The following HTR3A variants were observed in gnomAD, a reference collection of about 807,000 sequenced individuals.
HTR3A encodes 5-hydroxytryptamine (serotonin) receptor 3A, ionotropic.
A neutral mutation model predicts 54.8 loss-of-function variants in HTR3A; 45 were observed. The ratio of observed to expected loss-of-function variants is 0.82; its 90% confidence interval spans 0.65 to 1.05. HTR3A has a LOEUF of 1.05. Among genes scored for constraint, HTR3A ranks in the 50% least tolerant of loss-of-function variants. HTR3A has a pLI of 0.00. For synonymous variants in HTR3A, 297 were observed against 256.0 expected (o/e 1.16, Z -1.53); for missense variants, 657 against 614.0 (o/e 1.07, Z -0.74).
In HTR3A at chr11:113,989,421, A is replaced by C. The variant is rs1950525506; in HGVS notation, c.1139-44A>C. 6.2e-7 allele frequency: 1 copy of C among 1,610,398 alleles called. No individual in the cohort carries two copies. Among genetic ancestry groups the C allele is most frequent in the Non-Finnish European group, 8.5e-7 (1 of 1,177,766 alleles). On this transcript the variant is annotated intron_variant, in intron 8 of 8. Transcript: ENST00000504030. The surrounding 1 kb of genome is among the most constrained non-coding windows in gnomAD (Gnocchi z 4.4). ...CATAAGGAACCATGTTCAGGTCACC[A>C]CCCGGGGTCTCCCTCTCTTGCCAAT...
At chr11:113,979,139 G>A (rs1469077774) in intron 2 of HTR3A, 94 bp from the exon 3 acceptor site, 5 of 955,198 alleles carry the variant, frequency 5.2e-6, no homozygotes, top group Non-Finnish European at 8.6e-6. Flanking sequence ...AAAGCAATAG[G>A]GACACAAGGA....
chr11:113,981,445 TG>T (rs775297863), intron 4 of HTR3A, 133 bp downstream of exon 4: 70 of 708,482 alleles, frequency 9.9e-5, no homozygotes, highest in South Asian at 3.0e-4. Flanking sequence ...ATAAAGCTGG[TG>T]TGAGTCCAAA....
chr11:113,978,074 C>A, intron 2 of HTR3A, 152 bp downstream of exon 2: 1 of 948,552 alleles, frequency 1.1e-6, no homozygotes, highest in Non-Finnish European at 1.7e-6. Flanking sequence ...ATTGTAGCAT[C>A]ATCTGCACAG....
chr11:113,984,656 C>T (rs537666830), intron 5 of HTR3A, among the ~76,000 whole-genome samples: 15 of 152,216 alleles, frequency 9.9e-5, no homozygotes, highest in East Asian at 3.9e-4. Context: ...CGGTGGCTCA[C>T]GCCTGTAATC....
In HTR3A at chr11:113,986,592, C is replaced by T; in HGVS notation, c.780C>T (p.Asp260=). The change falls in exon 7 of 9, where the codon GAC becomes GAT. Residue 260 remains aspartate (D), a synonymous_variant. Coordinates refer to ENST00000504030, the MANE Select transcript of HTR3A (RefSeq NM_000869.6). ...CCAGCATCTTCCTCATGGTCATGGA[C>T]ATCGTGGGCTTCTACCTGCCCCCCA... The part of the protein sequence containing the change: ...LLPSIFLMVM[D]IVGFYLPPNS... The T allele has an allele frequency of 1.2e-6, 2 of 1,613,670 alleles. No individual in the cohort carries two copies. Among genetic ancestry groups the T allele is most frequent in the Middle Eastern group, 1.6e-4 (1 of 6,062 alleles).
intron 3 of HTR3A, among the ~76,000 whole-genome samples, chr11:113,980,069 C>T (rs1950403568): frequency 6.6e-6 from 1 of 152,126 alleles, no homozygotes; most frequent in Admixed American, 6.6e-5. Flanking sequence ...AATGCTGATC[C>T]CTGAGATGCT....
chr11:113,987,466 C>T (rs1026938371), intron 8 of HTR3A, among the ~76,000 whole-genome samples: 1 of 152,166 alleles, frequency 6.6e-6, no homozygotes, highest in Non-Finnish European at 1.5e-5. Flanking sequence ...GGCATGGTGG[C>T]TCATGCCTAC....
At position 113,975,397 on chromosome 11, in the gene HTR3A, G is replaced by C. The variant is rs763742283; in HGVS notation, c.67+5G>C. On this transcript the variant is annotated splice_donor_5th_base_variant and intron_variant, in intron 1 of 8. Transcript: ENST00000504030. ...CACTCCTGGCACAGGGAGAAGGTAA[G>C]CAGACTTCGGGAAGCAGCAGGACTT... 1.9e-6 allele frequency: 3 copies of C among 1,610,500 alleles called. No homozygotes were observed. In the Admixed American group the frequency reaches 5.0e-5, roughly 27 times the overall value.
At position 113,979,292 on chromosome 11, in the gene HTR3A, C is replaced by T. The variant is rs1182332531; in HGVS notation, c.264+15C>T. 1.9e-6 allele frequency: 3 copies of T among 1,599,912 alleles called. No homozygotes were observed. Among genetic ancestry groups the T allele is most frequent in the Admixed American group, 3.3e-5 (2 of 59,992 alleles). ...GGTACCGGCAGGTGAGCAGACCCGC[C>T]CCTCCCTGCCCCCGTTACCCATCCT... On this transcript the variant is annotated intron_variant, in intron 3 of 8. Coordinates refer to ENST00000504030, the MANE Select transcript of HTR3A (RefSeq NM_000869.6).
intron 5 of HTR3A, among the ~76,000 whole-genome samples, chr11:113,983,891 G>A (rs762267061): frequency 9.9e-5 from 15 of 152,198 alleles, no homozygotes; most frequent in African/African-American, 1.4e-4. Flanking sequence ...GAATCTGACC[G>A]TGTCACTTAA....
Position 113,986,951 on chromosome 11 carries a change from T to C in HTR3A, c.1043T>C (p.Leu348Pro), listed in dbSNP as rs1199853321. 1 of 1,614,176 alleles carries C rather than the reference T, an allele frequency of 6.2e-7. No individual in the cohort carries two copies. Among genetic ancestry groups the C allele is most frequent in the Non-Finnish European group, 8.5e-7 (1 of 1,180,034 alleles). ...PVPAWLRHLV[L>P]ERIAWLLCLR... Reference sequence around the variant, plus strand: ...CCTGCTTGGCTGCGTCACCTGGTTCTGGAGAGAATCGCCTGGCTACTTTGC... The same window carrying C: ...CCTGCTTGGCTGCGTCACCTGGTTCCGGAGAGAATCGCCTGGCTACTTTGC... Residue 348 changes from leucine to proline, a missense_variant, in exon 8 of 9, where the codon CTG (leucine) becomes CCG (proline). By Grantham distance (98) the Leu-to-Pro change is moderately conservative. Coordinates refer to ENST00000504030, the MANE Select transcript of HTR3A (RefSeq NM_000869.6).
intron 1 of HTR3A, among the ~76,000 whole-genome samples, chr11:113,975,601 G>A (rs1020304289): frequency 6.6e-6 from 1 of 152,160 alleles, no homozygotes; most frequent in Non-Finnish European, 1.5e-5. Context: ...TCCTGGGGTG[G>A]GGCAAGAGCG....
chr11:113,986,587 A>G lies in HTR3A; in HGVS notation c.775A>G (p.Met259Val), dbSNP rs144253304. ...LLLPSIFLMV[M>V]DIVGFYLPPN... is the part of the protein sequence containing the mutation. ...ACTGCCCAGCATCTTCCTCATGGTC[A>G]TGGACATCGTGGGCTTCTACCTGCC... The change falls in exon 7 of 9, where the codon ATG (methionine) becomes GTG (valine). Residue 259 changes from methionine (M) to valine (V), a missense_variant. Physicochemically the swap from Met to Val is conservative, Grantham distance 21. Coordinates refer to ENST00000504030, the MANE Select transcript of HTR3A (RefSeq NM_000869.6). 29 of 1,613,510 alleles carry G rather than the reference A, an allele frequency of 1.8e-5. No homozygotes were observed. Among genetic ancestry groups the G allele is most frequent in the Non-Finnish European group, 2.4e-5 (28 of 1,180,004 alleles).
At position 113,985,999 on chromosome 11, in the gene HTR3A, C is replaced by T. The variant is rs1183979550; in HGVS notation, c.545-16C>T. ...GGTACTAGATTCCAAAGCTGGCTTG[C>T]TTTATTCTCTCTCAGTCCAGGACAT... On this transcript the variant is annotated splice_polypyrimidine_tract_variant and intron_variant, in intron 5 of 8. Coordinates refer to ENST00000504030, the MANE Select transcript of HTR3A (RefSeq NM_000869.6). 1 of 1,614,044 alleles carries T rather than the reference C, an allele frequency of 6.2e-7. No homozygotes were observed. Among genetic ancestry groups the T allele is most frequent in the Admixed American group, 1.7e-5 (1 of 60,008 alleles).
At chr11:113,985,918 C>A in intron 5 of HTR3A, 97 bp from the exon 6 acceptor site, 1 of 1,306,588 alleles carries the variant, frequency 7.7e-7, no homozygotes, top group Non-Finnish European at 1.1e-6. Context: ...CGGATATCAG[C>A]TCCCCTTAAT....
chr11:113,981,097 T>A lies in HTR3A; in HGVS notation c.265-106T>A, dbSNP rs1950416163. 52 of 742,752 alleles carry A rather than the reference T, an allele frequency of 7.0e-5. 3 individuals are homozygous for A. The South Asian group carries it at 7.6e-4, about 11-fold the overall frequency. The allele number at this position is 742,752 out of a possible 1,614,324, so 46.0% of individuals were successfully genotyped here. On this transcript the variant is annotated intron_variant, in intron 3 of 8. Transcript: ENST00000504030. ...CTGACACCAGCTTCTCCCAGGAAGATGCCCACCTGTTGCCTGGGCACTGAG... is the reference window on the plus strand; with the variant it reads ...CTGACACCAGCTTCTCCCAGGAAGAAGCCCACCTGTTGCCTGGGCACTGAG...
chr11:113,985,063 C>T (rs1950473197), intron 5 of HTR3A, among the ~76,000 whole-genome samples: 1 of 152,212 alleles, frequency 6.6e-6, no homozygotes, highest in African/African-American at 2.4e-5. Flanking sequence ...GACTTCTACC[C>T]TCAATCCCAA....
In HTR3A at chr11:113,990,041, C is replaced by T. The variant is rs755833107; in HGVS notation, c.*278C>T. The T allele has an allele frequency of 3.5e-5, 21 of 607,722 alleles. No homozygotes were observed. The highest frequency in any genetic ancestry group is 1.5e-4 in the African/African-American group (8 of 55,150). The allele number at this position is 607,722 out of a possible 1,614,324, so 37.6% of individuals were successfully genotyped here. A position where few individuals can be genotyped will look rare whatever the true frequency, so the allele number is the denominator to read the frequency against. On this transcript the variant is annotated 3_prime_UTR_variant, in exon 9 of 9. Coordinates refer to ENST00000504030, the MANE Select transcript of HTR3A (RefSeq NM_000869.6). ...ATGCTGTCTTAGATCAGGAGAAACT[C>T]GGGCACTCCCTAAGTCCACTCTAGT...
At chr11:113,988,886 G>T (rs1201842264) in intron 8 of HTR3A, among the ~76,000 whole-genome samples, 1 of 152,190 alleles carries the variant, frequency 6.6e-6, no homozygotes, top group African/African-American at 2.4e-5. Flanking sequence ...GCTGAGGAAA[G>T]CCCATAGGTT....
Sources: gnomAD v4.1 joint callset for allele counts (sites outside exome capture counted in the v4.1 genomes callset) on GRCh38, gnomAD v4.1.1 for gene constraint, Gnocchi (gnomAD v3.1) non-coding constraint, MANE v1.5 for transcripts, NCBI Gene and HGNC (gene_info 2026-07-23, HGNC 2026-07-21) for gene names.